The following PDE11A variants were observed in gnomAD, a reference collection of about 807,000 sequenced individuals.
PDE11A encodes the protein phosphodiesterase 11A.
A neutral mutation model predicts 100.5 loss-of-function variants in PDE11A; 100 were observed. The ratio of observed to expected loss-of-function variants is 1.00; its 90% CI spans 0.85 to 1.18. The LOEUF is 1.18. Among genes scored for constraint, PDE11A ranks in the 50% most tolerant of loss-of-function variants. PDE11A has a pLI of 0.00. For missense variants in PDE11A, 1,141 were observed against 1,152.6 expected (o/e 0.99, Z 0.15); for synonymous variants, 381 against 420.8 (o/e 0.91, Z 1.16).
intron 1 of PDE11A, among the ~76,000 whole-genome samples, chr2:178,107,201 G>A (rs1484008278): frequency 1.3e-5 from 2 of 151,908 alleles, no homozygotes; most frequent in Non-Finnish European, 2.9e-5. Flanking sequence ...AATACTGCCA[G>A]TGCAAATACC....
intron 15 of PDE11A, among the ~76,000 whole-genome samples, chr2:177,682,187 CAACT>C (rs2080875427): frequency 6.6e-6 from 1 of 152,220 alleles, no homozygotes; most frequent in African/African-American, 2.4e-5. Flanking sequence ...TAGACCCTTT[CAACT>C]AACTGCCAAT....
chr2:178,037,262 G>T (rs915267634), intron 1 of PDE11A, among the ~76,000 whole-genome samples: 4 of 151,404 alleles, frequency 2.6e-5, no homozygotes, highest in Non-Finnish European at 5.9e-5. Context: ...GCCAACAAAC[G>T]TGAAAAAAAG....
intron 4 of PDE11A, among the ~76,000 whole-genome samples, chr2:177,890,440 C>T (rs2084511980): frequency 6.6e-6 from 1 of 152,186 alleles, no homozygotes; most frequent in Admixed American, 6.5e-5. Context: ...TTGTGCTCTA[C>T]CCAAGATGGC....
At chr2:177,659,856 A>G (rs544525675) in intron 19 of PDE11A, among the ~76,000 whole-genome samples, 1 of 152,250 alleles carries the variant, frequency 6.6e-6, no homozygotes, top group African/African-American at 2.4e-5. Context: ...GACAGCAGAA[A>G]GTGCAGGAAT....
At chr2:178,043,108 T>C (rs1419853943) in intron 1 of PDE11A, among the ~76,000 whole-genome samples, 2 of 152,218 alleles carry the variant, frequency 1.3e-5, no homozygotes, top group Non-Finnish European at 2.9e-5. Flanking sequence ...AGTGCAGTCT[T>C]ATATACTATT....
intron 10 of PDE11A, among the ~76,000 whole-genome samples, chr2:177,760,775 G>C (rs2082157532): frequency 6.6e-6 from 1 of 152,156 alleles, no homozygotes; most frequent in African/African-American, 2.4e-5. Flanking sequence ...TCTGGCTACA[G>C]AGACTGCAGA....
chr2:177,698,671 G>A (rs1297204462), intron 14 of PDE11A: 3 of 152,086 alleles, frequency 2.0e-5, no homozygotes, highest in Non-Finnish European at 4.4e-5. Flanking sequence ...TTATTTCATT[G>A]GGTGAACCCG....
chr2:177,942,121 T>C (rs1213224059), intron 2 of PDE11A, among the ~76,000 whole-genome samples: 1 of 152,234 alleles, frequency 6.6e-6, no homozygotes, highest in Non-Finnish European at 1.5e-5. Context: ...TGTAATATAA[T>C]AGCTATGAAC....
At chr2:178,090,087 TCAGA>T (rs1017499730) in intron 2 of PDE11A, among the ~76,000 whole-genome samples, 1 of 152,162 alleles carries the variant, frequency 6.6e-6, no homozygotes, top group African/African-American at 2.4e-5. Context: ...CTTTTGAATC[TCAGA>T]CAAATTTCTC....
intron 2 of PDE11A, among the ~76,000 whole-genome samples, chr2:177,941,993 C>T (rs1348065739): frequency 3.9e-5 from 6 of 152,196 alleles, no homozygotes; most frequent in African/African-American, 9.6e-5. Flanking sequence ...ACTGTGGCTA[C>T]GGAGCAGGAC....
At chr2:177,772,637 C>T (rs1013157838) in intron 9 of PDE11A, among the ~76,000 whole-genome samples, 1 of 151,586 alleles carries the variant, frequency 6.6e-6, no homozygotes, top group Non-Finnish European at 1.5e-5. Flanking sequence ...AAAACTCAAG[C>T]TGCAATTCAA....
chr2:178,056,961 G>A (rs113235919), intron 1 of PDE11A, among the ~76,000 whole-genome samples: 6 of 152,000 alleles, frequency 3.9e-5, no homozygotes, highest in African/African-American at 7.3e-5. Context: ...CAAAAGGAAC[G>A]GCAGGTGTGG....
intron 1 of PDE11A, among the ~76,000 whole-genome samples, chr2:178,037,223 G>C (rs575755361): frequency 5.3e-5 from 8 of 152,178 alleles, no homozygotes; most frequent in Non-Finnish European, 1.2e-4. Context: ...GCTATGAACA[G>C]ATACTTCTCA....
At chr2:177,740,026 C>T (rs1273785757) in intron 10 of PDE11A, among the ~76,000 whole-genome samples, 2 of 152,204 alleles carry the variant, frequency 1.3e-5, no homozygotes, top group Non-Finnish European at 2.9e-5. Flanking sequence ...TACATACATG[C>T]ACACATCTCA....
At chr2:178,032,752 C>T (rs185570408) in intron 1 of PDE11A, among the ~76,000 whole-genome samples, 105 of 152,258 alleles carry the variant, frequency 6.9e-4, no homozygotes, top group East Asian at 1.9e-3. Context: ...GATACCCAGG[C>T]GAACAGGGTC....
chr2:177,760,585 T>A (rs1299143245), intron 10 of PDE11A, among the ~76,000 whole-genome samples: 1 of 152,216 alleles, frequency 6.6e-6, no homozygotes, highest in Non-Finnish European at 1.5e-5. Flanking sequence ...ATAAATTTTA[T>A]AGGTTCATAA....
At chr2:177,897,847 T>C (rs1295158822) in intron 4 of PDE11A, among the ~76,000 whole-genome samples, 2 of 152,214 alleles carry the variant, frequency 1.3e-5, no homozygotes, top group Non-Finnish European at 2.9e-5. Flanking sequence ...AAGTCCCTGT[T>C]AGCTTAAAAG....
chr2:177,861,261 A>G (rs565595123), intron 5 of PDE11A, among the ~76,000 whole-genome samples: 28 of 151,984 alleles, frequency 1.8e-4, no homozygotes, highest in Non-Finnish European at 2.7e-4. Flanking sequence ...ATCAATATAC[A>G]AAACTCAGCT....
intron 2 of PDE11A, among the ~76,000 whole-genome samples, chr2:177,911,884 C>CAAAAAAA (rs199655050): frequency 2.4e-5 from 3 of 125,660 alleles, no homozygotes; most frequent in African/African-American, 8.9e-5. Context: ...ACTCCATCTC[C>CAAAAAAA]AAAAAAAAAA....
Sources: allele counts gnomAD v4.1 joint callset (sites outside exome capture counted in the v4.1 genomes callset), GRCh38; gene constraint gnomAD v4.1.1; transcripts MANE v1.5; gene names NCBI Gene and HGNC (gene_info 2026-07-23, HGNC 2026-07-21).